IL1RAPL2: variants seen among roughly 807,000 people sequenced by gnomAD.
IL1RAPL2 encodes X-linked interleukin-1 receptor accessory protein-like 2.
In IL1RAPL2, 3 loss-of-function variants were observed where a neutral mutation model predicts 44.1. That is an observed-to-expected ratio of 0.07 (90% CI 0.03 to 0.18). The LOEUF is 0.18. Among genes scored for constraint, IL1RAPL2 ranks in the 10% least tolerant of loss-of-function variants. The probability of loss-of-function intolerance (pLI) is 1.00; values close to 1 mark genes in which losing one functional copy is unlikely to be tolerated. For missense variants in IL1RAPL2, 391 were observed against 496.4 expected (o/e 0.79, Z 2.02); for synonymous variants, 181 against 178.8 (o/e 1.01, Z -0.10).
chrX:105,503,227 T>C (rs1374066177), intron 6 of IL1RAPL2, among the ~76,000 whole-genome samples: 1 of 111,410 alleles, frequency 9.0e-6, no homozygotes, highest in Non-Finnish European at 1.9e-5. Flanking sequence ...CAATTACTAC[T>C]CAAGCCCATA....
intron 6 of IL1RAPL2, among the ~76,000 whole-genome samples, chrX:105,626,238 C>A (rs978008173): frequency 7.2e-5 from 8 of 111,685 alleles, no homozygotes; most frequent in African/African-American, 2.6e-4. Context: ...TTTTGAGGTG[C>A]ACACACATTT....
At chrX:105,563,003 A>G (rs1228839101) in intron 6 of IL1RAPL2, among the ~76,000 whole-genome samples, 3 of 112,063 alleles carry the variant, frequency 2.7e-5, no homozygotes, top group Non-Finnish European at 5.6e-5. Flanking sequence ...GTCAGACAGT[A>G]GTAATCGTTA....
chrX:105,306,694 T>C (rs2034740157), intron 5 of IL1RAPL2, among the ~76,000 whole-genome samples: 1 of 111,443 alleles, frequency 9.0e-6, no homozygotes, highest in African/African-American at 3.3e-5. Context: ...TTCTAAAAAG[T>C]GCATCTTATT....
chrX:105,294,977 T>C (rs2034643641), intron 5 of IL1RAPL2, among the ~76,000 whole-genome samples: 1 of 111,667 alleles, frequency 9.0e-6, no homozygotes, highest in South Asian at 3.7e-4. Flanking sequence ...CTAGAGTAGG[T>C]ATTTTTCGAT....
chrX:105,674,482 T>C (rs1380679984), intron 6 of IL1RAPL2, among the ~76,000 whole-genome samples: 1 of 111,716 alleles, frequency 9.0e-6, no homozygotes, highest in Non-Finnish European at 1.9e-5. Flanking sequence ...TGGTTGTACA[T>C]GCGCAATCTT....
intron 1 of IL1RAPL2, among the ~76,000 whole-genome samples, chrX:104,645,844 A>T (rs1292132806): frequency 8.9e-6 from 1 of 112,649 alleles, no homozygotes; most frequent in Non-Finnish European, 1.9e-5. Context: ...TAAAACTGTT[A>T]GAATGATATA....
intron 1 of IL1RAPL2, among the ~76,000 whole-genome samples, chrX:104,602,097 G>A (rs73521400): frequency 9.0e-6 from 1 of 111,318 alleles, no homozygotes; most frequent in Middle Eastern, 4.2e-3. Flanking sequence ...GATTGACACA[G>A]AGACGGGTGA....
At chrX:104,988,833 T>G (rs1394941787) in intron 2 of IL1RAPL2, among the ~76,000 whole-genome samples, 4 of 112,060 alleles carry the variant, frequency 3.6e-5, no homozygotes, top group African/African-American at 1.3e-4. Context: ...ACCTTTCTAA[T>G]CTACAAACAT....
chrX:104,633,409 A>G (rs1929703677), intron 1 of IL1RAPL2, among the ~76,000 whole-genome samples: 1 of 111,843 alleles, frequency 8.9e-6, no homozygotes, highest in Non-Finnish European at 1.9e-5. Flanking sequence ...TAGTTTCAGA[A>G]GGAATGGTAC....
intron 4 of IL1RAPL2, among the ~76,000 whole-genome samples, chrX:105,266,979 G>C (rs1403856674): frequency 9.0e-6 from 1 of 111,719 alleles, no homozygotes; most frequent in African/African-American, 3.3e-5. Flanking sequence ...AGTATACTAA[G>C]TGGCTAAGTG....
chrX:105,732,628 T>G (rs1029486844), intron 7 of IL1RAPL2, among the ~76,000 whole-genome samples: 3 of 111,566 alleles, frequency 2.7e-5, no homozygotes, highest in African/African-American at 9.8e-5. Flanking sequence ...TTACCCAGTC[T>G]CTGATATTTC....
chrX:105,424,186 T>C (rs1331224015), intron 5 of IL1RAPL2, among the ~76,000 whole-genome samples: 2 of 112,421 alleles, frequency 1.8e-5, no homozygotes, highest in Non-Finnish European at 3.8e-5. Flanking sequence ...GAGGTCCTGA[T>C]GACATGTGCC....
intron 5 of IL1RAPL2, among the ~76,000 whole-genome samples, chrX:105,432,521 C>A (rs923213273): frequency 9.0e-6 from 1 of 110,886 alleles, no homozygotes; most frequent in Non-Finnish European, 1.9e-5. Context: ...GTGGCTGGTT[C>A]TCTCAGTGTT....
intron 2 of IL1RAPL2, among the ~76,000 whole-genome samples, chrX:105,127,388 G>A (rs990048580): frequency 4.5e-5 from 5 of 111,241 alleles, no homozygotes; most frequent in South Asian, 3.7e-4. Context: ...TAATTTATGC[G>A]TAGGTATCTG....
intron 2 of IL1RAPL2, among the ~76,000 whole-genome samples, chrX:104,971,731 C>T (rs1181408063): frequency 9.0e-6 from 1 of 111,085 alleles, no homozygotes; most frequent in African/African-American, 3.3e-5. Flanking sequence ...TCATGATAGA[C>T]AAAACCACTC....
rs763760189 is a variant in IL1RAPL2 at position 104,597,346 on chromosome X, T to TA, written c.-20+30313dup. 2.2e-3 allele frequency among the ~76,000 whole-genome samples: 189 copies of TA among 86,510 alleles called. 1 individual carries two copies. In the Middle Eastern group the frequency reaches 0.032, roughly 15 times the overall value. The allele number at this position is 86,510 out of a possible 115,157, so 75.1% of individuals were successfully genotyped here. ...GGCAACAGAGTGAGACTCCATCTCT[T>TA]AAAAAAAAAAAAAAAAAAGAGAGAG... On this transcript the variant is annotated intron_variant, in intron 1 of 10. Coordinates refer to ENST00000372582, the MANE Select transcript of IL1RAPL2 (RefSeq NM_017416.2).
At chrX:105,085,005 G>A in intron 2 of IL1RAPL2, among the ~76,000 whole-genome samples, 1 of 111,759 alleles carries the variant, frequency 8.9e-6, no homozygotes. Flanking sequence ...CTTGCCTGCT[G>A]CCATGTAAGA....
In IL1RAPL2 at chrX:105,028,380, T is replaced by C. The variant is rs1210408662; in HGVS notation, c.83-167095T>C. ...AAAGATTAATGCTTGATGGGATAGATATCCTATTCTCCATGATGTGCTTAT... is the reference window on the plus strand; with the variant it reads ...AAAGATTAATGCTTGATGGGATAGACATCCTATTCTCCATGATGTGCTTAT... On this transcript the variant is annotated intron_variant, in intron 2 of 10. Coordinates refer to ENST00000372582, the MANE Select transcript of IL1RAPL2 (RefSeq NM_017416.2). 7.4e-4 allele frequency among the ~76,000 whole-genome samples: 83 copies of C among 111,909 alleles called. 6 individuals are homozygous for C. The highest frequency in any genetic ancestry group is 6.5e-5 in the African/African-American group (2 of 30,896).
chrX:105,104,526 C>G (rs2032713663), intron 2 of IL1RAPL2, among the ~76,000 whole-genome samples: 1 of 112,167 alleles, frequency 8.9e-6, no homozygotes, highest in Admixed American at 9.4e-5. Context: ...GACTAGAGCT[C>G]TTAGCTGGAC....
Sources: allele counts gnomAD v4.1 joint callset (sites outside exome capture counted in the v4.1 genomes callset), GRCh38; gene constraint gnomAD v4.1.1; transcripts MANE v1.5; gene names NCBI Gene and HGNC (gene_info 2026-07-23, HGNC 2026-07-21).